The following R3HDM1 variants were observed in gnomAD, a reference collection of about 807,000 sequenced individuals.
The protein encoded by R3HDM1 is R3H domain containing 1, also known as R3H domain-containing protein 1.
In R3HDM1, 46 loss-of-function variants were observed where a neutral mutation model predicts 141.1. The ratio of observed to expected loss-of-function variants is 0.33; its 90% CI spans 0.26 to 0.42. The LOEUF is 0.42. Ranked by LOEUF, R3HDM1 falls within the 10% of genes least tolerant of loss-of-function variation. The probability of loss-of-function intolerance (pLI) is 1.00; values close to 1 mark genes in which losing one functional copy is unlikely to be tolerated. For synonymous variants in R3HDM1, 435 were observed against 472.9 expected (o/e 0.92, Z 1.04); for missense variants, 1,184 against 1,368.3 (o/e 0.87, Z 2.12).
chr2:135,598,878 T>C (rs1171672346), intron 1 of R3HDM1, among the ~76,000 whole-genome samples: 2 of 152,196 alleles, frequency 1.3e-5, no homozygotes, highest in African/African-American at 2.4e-5. Context: ...GCTTTCAACA[T>C]TTTGACCCTT....
intron 1 of R3HDM1, among the ~76,000 whole-genome samples, chr2:135,561,567 A>C (rs570470565): frequency 6.6e-6 from 1 of 152,064 alleles, no homozygotes; most frequent in Non-Finnish European, 1.5e-5. Context: ...AAATATAAAA[A>C]ATTAGCTGGT....
intron 7 of R3HDM1, among the ~76,000 whole-genome samples, chr2:135,630,840 A>G (rs905250941): frequency 6.6e-6 from 1 of 152,100 alleles, no homozygotes; most frequent in Non-Finnish European, 1.5e-5. Context: ...GAAATTTCCA[A>G]TTAGCACAGG....
chr2:135,722,513 T>TA lies in R3HDM1; in HGVS notation c.3015dup (p.Ala1006SerfsTer21). On this transcript the variant is annotated frameshift_variant, in exon 26 of 27. Coordinates refer to ENST00000683871, the MANE Select transcript of R3HDM1 (RefSeq NM_001378107.1). LOFTEE classifies it high-confidence loss of function. ...ATGGAAACCGAGGAAGGAGACAAGC[T>TA]AAAAAAGCTGCATCCACAGACCTTG... is the stretch of plus-strand genomic sequence containing the variant. 6.2e-7 allele frequency: 1 copy of TA among 1,613,670 alleles called. No homozygotes were observed. Among genetic ancestry groups the TA allele is most frequent in the Non-Finnish European group, 8.5e-7 (1 of 1,179,970 alleles).
intron 18 of R3HDM1, among the ~76,000 whole-genome samples, chr2:135,652,869 C>A (rs1425889255): frequency 1.3e-5 from 2 of 152,026 alleles, no homozygotes; most frequent in African/African-American, 2.4e-5. Flanking sequence ...AAATTTCATA[C>A]TTTGTTTCCG....
intron 1 of R3HDM1, among the ~76,000 whole-genome samples, chr2:135,567,431 A>G (rs1703051659): frequency 6.6e-6 from 1 of 152,160 alleles, no homozygotes; most frequent in African/African-American, 2.4e-5. Flanking sequence ...TTTCACTCCC[A>G]AAGTGTGACC....
At chr2:135,600,041 A>C (rs1559208092) in intron 1 of R3HDM1, among the ~76,000 whole-genome samples, 2 of 151,964 alleles carry the variant, frequency 1.3e-5, no homozygotes, top group Non-Finnish European at 2.9e-5. Flanking sequence ...CTCTAAAAAA[A>C]AAAAAAATTA....
chr2:135,619,330 G>A (rs1006405206), intron 5 of R3HDM1, among the ~76,000 whole-genome samples: 11 of 152,052 alleles, frequency 7.2e-5, no homozygotes, highest in African/African-American at 2.2e-4. Flanking sequence ...AGCCTGTTAT[G>A]GTACTAAATT....
intron 22 of R3HDM1, 37 bp downstream of exon 22, chr2:135,709,573 A>G: frequency 6.2e-7 from 1 of 1,605,362 alleles, no homozygotes; most frequent in Non-Finnish European, 8.5e-7. Context: ...TGATTGGTTC[A>G]TATGAGAAAT....
chr2:135,722,654 C>A, intron 26 of R3HDM1, 101 bp downstream of exon 26: 2 of 1,154,502 alleles, frequency 1.7e-6, no homozygotes, highest in Non-Finnish European at 2.4e-6. Context: ...TAGAATCCTG[C>A]AAAAAGTCAT....
chr2:135,696,954 C>T (rs2073335917), intron 21 of R3HDM1, among the ~76,000 whole-genome samples: 1 of 152,042 alleles, frequency 6.6e-6, no homozygotes, highest in Non-Finnish European at 1.5e-5. Flanking sequence ...ACTGTAAAAC[C>T]TGTTACAGAG....
chr2:135,592,120 C>G (rs1709421037), intron 1 of R3HDM1, among the ~76,000 whole-genome samples: 1 of 152,208 alleles, frequency 6.6e-6, no homozygotes, highest in Admixed American at 6.5e-5. Context: ...AAAGCCCCAA[C>G]TTTCTAATTA....
chr2:135,627,007 T>C (rs1328029161), intron 7 of R3HDM1, among the ~76,000 whole-genome samples: 1 of 152,192 alleles, frequency 6.6e-6, no homozygotes, highest in Non-Finnish European at 1.5e-5. Flanking sequence ...CTTCTGTGTA[T>C]GCATTTTTAT....
intron 1 of R3HDM1, among the ~76,000 whole-genome samples, chr2:135,589,465 A>G (rs1346420299): frequency 6.6e-6 from 1 of 152,160 alleles, no homozygotes; most frequent in East Asian, 1.9e-4. Context: ...AACCAACAAA[A>G]TCATCATCTC....
chr2:135,546,042 G>C (rs569874368), intron 1 of R3HDM1, among the ~76,000 whole-genome samples: 1 of 152,298 alleles, frequency 6.6e-6, no homozygotes, highest in Admixed American at 6.5e-5. Flanking sequence ...GGAGATGCCT[G>C]GCTCATGCCT....
At chr2:135,656,939 C>CCA (rs2065978000) in intron 18 of R3HDM1, among the ~76,000 whole-genome samples, 1 of 146,344 alleles carries the variant, frequency 6.8e-6, no homozygotes, top group Admixed American at 6.8e-5. Context: ...ACTAAAAATA[C>CCA]AAAAAAAAAA....
chr2:135,561,323 T>C, intron 1 of R3HDM1: 1 of 984,894 alleles, frequency 1.0e-6, no homozygotes, highest in Non-Finnish European at 1.2e-6. Flanking sequence ...ATAAGTTTTA[T>C]ATTTTGTGGC....
chr2:135,540,425 T>C (rs900853041), intron 1 of R3HDM1, among the ~76,000 whole-genome samples: 1 of 152,220 alleles, frequency 6.6e-6, no homozygotes, highest in African/African-American at 2.4e-5. Context: ...CTCCCATGAA[T>C]CACAAATATT....
chr2:135,569,153 C>T (rs2104987854), intron 1 of R3HDM1, among the ~76,000 whole-genome samples: 1 of 152,264 alleles, frequency 6.6e-6, no homozygotes, highest in Admixed American at 6.5e-5. Flanking sequence ...TGATGTTTGT[C>T]AGTTAAAACT....
intron 1 of R3HDM1, chr2:135,583,748 C>T (rs936729812): frequency 3.2e-5 from 32 of 985,056 alleles, no homozygotes; most frequent in Non-Finnish European, 3.6e-5. Flanking sequence ...TTGTCTTTAC[C>T]TGTAAAGGTT....
Sources: gnomAD v4.1 joint callset for allele counts (sites outside exome capture counted in the v4.1 genomes callset) on GRCh38, gnomAD v4.1.1 for gene constraint, MANE v1.5 for transcripts, NCBI Gene and HGNC (gene_info 2026-07-23, HGNC 2026-07-21) for gene names.